Variants in ZC3H12B observed in about 807,000 individuals in gnomAD.
The protein encoded by ZC3H12B is zinc finger CCCH-type containing 12B.
ZC3H12B carries 7 observed loss-of-function variants against 43.9 expected under a neutral mutation model. That is an observed-to-expected ratio of 0.16 (90% CI 0.09 to 0.30). The LOEUF (loss-of-function observed/expected upper bound fraction) is 0.30, where lower values mean the gene tolerates loss of function less well. Ranked by LOEUF, ZC3H12B falls within the 10% of genes least tolerant of loss-of-function variation. The pLI, the probability that ZC3H12B is intolerant of heterozygous loss-of-function variation, is 1.00. For missense variants in ZC3H12B, 475 were observed against 670.2 expected, an observed-to-expected ratio of 0.71 and a Z score of 3.22; for synonymous variants, 222 against 241.7, an observed-to-expected ratio of 0.92 and a Z score of 0.76.
At chrX:65,468,752 G>A (rs1282735250) in intron 3 of ZC3H12B, among the ~76,000 whole-genome samples, 2 of 106,670 alleles carry the variant, frequency 1.9e-5, no homozygotes, top group Non-Finnish European at 3.9e-5. Context: ...TCCACGCCTG[G>A]CCTAGGATTG....
At chrX:65,123,061 G>C in the ZC3H12B span, among the ~76,000 whole-genome samples, 5 of 111,980 alleles carry the variant, frequency 4.5e-5, no homozygotes, top group Non-Finnish European at 9.4e-5. Flanking sequence ...TTGGCTGTGG[G>C]TTTGTCATAA....
the ZC3H12B span, among the ~76,000 whole-genome samples, chrX:65,290,059 C>T: frequency 9.1e-6 from 1 of 110,468 alleles, no homozygotes; most frequent in Non-Finnish European, 1.9e-5. Context: ...TATTGAATGG[C>T]AGAAAATATT....
the ZC3H12B span, among the ~76,000 whole-genome samples, chrX:65,278,289 A>T: frequency 1.8e-5 from 2 of 111,522 alleles, no homozygotes; most frequent in Admixed American, 1.9e-4. Context: ...AGACACTTCC[A>T]CCTGTGCCAC....
At chrX:65,070,093 CTATT>C in the ZC3H12B span, among the ~76,000 whole-genome samples, 4 of 106,154 alleles carry the variant, frequency 3.8e-5, no homozygotes, top group East Asian at 1.2e-3. Flanking sequence ...TGTTTGTAGG[CTATT>C]TATTACTAAT....
At chrX:65,187,294 GATAGTGT>G in the ZC3H12B span, 2 of 111,959 alleles carry the variant, frequency 1.8e-5, no homozygotes, top group Non-Finnish European at 3.8e-5. Flanking sequence ...AAAGTTAGAA[GATAGTGT>G]GGATCTGGCT....
At chrX:65,387,381 C>T (rs1023293939) in intron 2 of ZC3H12B, among the ~76,000 whole-genome samples, 1 of 111,833 alleles carries the variant, frequency 8.9e-6, no homozygotes, top group Non-Finnish European at 1.9e-5. Flanking sequence ...GAACTGATCC[C>T]TTTACCATTA....
At chrX:65,122,134 G>A in the ZC3H12B span, among the ~76,000 whole-genome samples, 22 of 111,163 alleles carry the variant, frequency 2.0e-4, no homozygotes, top group Non-Finnish European at 3.6e-4. Flanking sequence ...TTGATTTGGG[G>A]TGGAGAGTTT....
the ZC3H12B span, among the ~76,000 whole-genome samples, chrX:65,149,455 A>G: frequency 1.3e-4 from 14 of 111,838 alleles, no homozygotes; most frequent in Non-Finnish European, 2.1e-4. Flanking sequence ...CCTTTAGGAT[A>G]AAAGCACTTT....
the ZC3H12B span, among the ~76,000 whole-genome samples, chrX:65,120,774 T>C: frequency 9.0e-6 from 1 of 111,665 alleles, no homozygotes; most frequent in African/African-American, 3.3e-5. Flanking sequence ...AGTATGATAT[T>C]CACTGTGGGT....
the ZC3H12B span, among the ~76,000 whole-genome samples, chrX:65,148,239 CTT>C: frequency 3.6e-5 from 4 of 111,069 alleles, no homozygotes; most frequent in Non-Finnish European, 3.8e-5. Context: ...TGACCTGGCT[CTT>C]TGCTGATCTG....
intron 3 of ZC3H12B, among the ~76,000 whole-genome samples, chrX:65,421,816 G>A (rs976996194): frequency 9.0e-6 from 1 of 110,976 alleles, no homozygotes; most frequent in African/African-American, 3.3e-5. Context: ...GGGCGTGGTG[G>A]CGGGCATCTG....
chrX:65,316,270 A>T, the ZC3H12B span, among the ~76,000 whole-genome samples: 1 of 112,192 alleles, frequency 8.9e-6, no homozygotes, highest in African/African-American at 3.2e-5. Context: ...GTGTACATGA[A>T]AACTTTCCCA....
At chrX:65,184,435 C>G in the ZC3H12B span, among the ~76,000 whole-genome samples, 1 of 111,285 alleles carries the variant, frequency 9.0e-6, no homozygotes, top group Admixed American at 9.6e-5. Context: ...ACTCCCCATC[C>G]TGCTAGATAA....
chrX:65,310,464 A>C, the ZC3H12B span, among the ~76,000 whole-genome samples: 2 of 111,837 alleles, frequency 1.8e-5, no homozygotes, highest in Non-Finnish European at 3.8e-5. Flanking sequence ...GGACCTCTTC[A>C]AGGAGAACTA....
chrX:65,395,247 G>A (rs760508978), intron 2 of ZC3H12B, among the ~76,000 whole-genome samples: 5 of 111,715 alleles, frequency 4.5e-5, no homozygotes, highest in Non-Finnish European at 5.6e-5. Context: ...ATACTGTGTC[G>A]AATAGGAGTG....
chrX:65,046,897 C>G, the ZC3H12B span, among the ~76,000 whole-genome samples: 1 of 110,131 alleles, frequency 9.1e-6, no homozygotes, highest in East Asian at 2.9e-4. Flanking sequence ...TAGGGATGCC[C>G]GAGGGGAGGG....
the ZC3H12B span, among the ~76,000 whole-genome samples, chrX:65,245,350 A>G: frequency 8.9e-6 from 1 of 111,953 alleles, no homozygotes; most frequent in Non-Finnish European, 1.9e-5. Context: ...TATGAGGCAA[A>G]TATCATCCTG....
chrX:65,353,704 G>A, the ZC3H12B span, among the ~76,000 whole-genome samples: 3 of 112,104 alleles, frequency 2.7e-5, no homozygotes, highest in African/African-American at 9.7e-5. Context: ...AGCAAGCTAA[G>A]ATCCACTGGC....
intron 3 of ZC3H12B, among the ~76,000 whole-genome samples, chrX:65,480,001 G>T (rs1375457954): frequency 8.9e-6 from 1 of 112,511 alleles, no homozygotes; most frequent in Admixed American, 9.4e-5. Context: ...CTATGGAGAT[G>T]ATATTTCCTG....
Sources: allele counts gnomAD v4.1 joint callset (sites outside exome capture counted in the v4.1 genomes callset), GRCh38; gene constraint gnomAD v4.1.1; transcripts MANE v1.5; gene names NCBI Gene and HGNC (gene_info 2026-07-23, HGNC 2026-07-21).